Variants in PTGER3 observed in about 807,000 individuals in gnomAD.
PTGER3 encodes the protein prostaglandin E receptor 3.
A neutral mutation model predicts 34.7 loss-of-function variants in PTGER3; 22 were observed. The observed-to-expected ratio is 0.63, with a 90% CI of 0.45 to 0.91. The LOEUF (loss-of-function observed/expected upper bound fraction) is 0.91, where lower values mean the gene tolerates loss of function less well. PTGER3 is among the 40% of genes least tolerant of loss of function. PTGER3 has a pLI of 0.00. For synonymous variants in PTGER3, 241 were observed against 230.1 expected, an observed-to-expected ratio of 1.05 and a Z score of -0.43; for missense variants, 468 against 519.4, an observed-to-expected ratio of 0.90 and a Z score of 0.96.
At chr1:70,909,071 G>A (rs1165370774) in intron 4 of PTGER3, among the ~76,000 whole-genome samples, 3 of 152,124 alleles carry the variant, frequency 2.0e-5, no homozygotes, top group African/African-American at 4.8e-5. Context: ...GTTTATTACA[G>A]CTGGAAACAA....
chr1:70,902,598 A>G (rs10889896), intron 4 of PTGER3, among the ~76,000 whole-genome samples: 45,345 of 152,080 alleles, frequency 0.3, 7,036 homozygotes, highest in South Asian at 0.46. Context: ...AGTCTTTCTT[A>G]ATGATTAGAA....
chr1:71,010,034 A>T, intron 2 of PTGER3: 1 of 985,094 alleles, frequency 1.0e-6, no homozygotes, highest in Non-Finnish European at 1.2e-6. Context: ...CCTCCCTTTC[A>T]AGCTTGTTAA....
In PTGER3 at chr1:71,047,740, G is replaced by T; in HGVS notation, c.-163C>A. On this transcript the variant is annotated 5_prime_UTR_variant, in exon 1 of 4. Coordinates refer to ENST00000306666, the MANE Select transcript of PTGER3 (RefSeq NM_198719.2). Reference sequence around the variant, plus strand: ...CGCCCTACTCCGCTGCTGGGACCGCGGCCGCGGCGGCGCCAGGGCTCACTG... The same window carrying T: ...CGCCCTACTCCGCTGCTGGGACCGCTGCCGCGGCGGCGCCAGGGCTCACTG... 1 of 674,090 alleles carries T rather than the reference G, an allele frequency of 1.5e-6. No homozygotes were observed. The highest frequency in any genetic ancestry group is 2.1e-6 in the Non-Finnish European group (1 of 481,158). The allele number at this position is 674,090 out of a possible 1,614,324, so 41.8% of individuals were successfully genotyped here.
intron 4 of PTGER3, among the ~76,000 whole-genome samples, chr1:70,936,287 TGCAGAG>T (rs1649221182): frequency 6.6e-6 from 1 of 152,172 alleles, no homozygotes; most frequent in African/African-American, 2.4e-5. Context: ...CAGCCATAGC[TGCAGAG>T]GTAGAAAGTG....
rs1646397461 is a variant in PTGER3 at position 70,881,839 on chromosome 1, C to T, written c.*24-28980G>A. Among the ~76,000 whole-genome samples, 3 of 152,324 alleles carry T rather than the reference C, an allele frequency of 2.0e-5. No individual in the cohort carries two copies. In the South Asian group the frequency reaches 6.2e-4, roughly 32 times the overall value. On this transcript the variant is annotated intron_variant, in intron 4 of 4. Coordinates refer to the PTGER3 transcript ENST00000370931. Reference sequence around the variant, plus strand: ...CCTAATATGTTGTTTGAGTGCTTCTCAGGGAAACATAAGGTTGCACCTGTC... The same window carrying T: ...CCTAATATGTTGTTTGAGTGCTTCTTAGGGAAACATAAGGTTGCACCTGTC...
intron 4 of PTGER3, among the ~76,000 whole-genome samples, chr1:70,934,631 G>C (rs1322881126): frequency 6.6e-6 from 1 of 152,054 alleles, no homozygotes; most frequent in African/African-American, 2.4e-5. Flanking sequence ...ATCAACTGTG[G>C]GGAAAATTAG....
chr1:71,008,931 C>A (rs1254304336), intron 2 of PTGER3: 4 of 981,412 alleles, frequency 4.1e-6, no homozygotes, highest in Non-Finnish European at 4.8e-6. Context: ...GCAGGAGAAG[C>A]TTTTGGGGTT....
intron 1 of PTGER3, among the ~76,000 whole-genome samples, chr1:71,043,941 C>T (rs1215660343): frequency 6.6e-6 from 1 of 151,312 alleles, no homozygotes; most frequent in African/African-American, 2.4e-5. Flanking sequence ...ATCAGCCTCC[C>T]GAGTAACTGA....
At chr1:70,887,731 T>C (rs569134812) in intron 4 of PTGER3, among the ~76,000 whole-genome samples, 9 of 152,312 alleles carry the variant, frequency 5.9e-5, no homozygotes, top group African/African-American at 2.2e-4. Flanking sequence ...TAAAAATCTG[T>C]TTTGCTTGTG....
intron 4 of PTGER3, among the ~76,000 whole-genome samples, chr1:70,896,507 T>A (rs879915551): frequency 6.6e-6 from 1 of 152,224 alleles, no homozygotes; most frequent in Non-Finnish European, 1.5e-5. Flanking sequence ...TGCTGACTCC[T>A]TGATCTCAAA....
At position 71,047,557 on chromosome 1, in the gene PTGER3, G is replaced by A; in HGVS notation, c.21C>T (p.Tyr7=). 1 of 1,556,458 alleles carries A rather than the reference G, an allele frequency of 6.4e-7. No homozygotes were observed. Among genetic ancestry groups the A allele is most frequent in the East Asian group, 2.3e-5 (1 of 42,888 alleles). ...GGGTGCAGAAGGGGGCATCCCCTCC[G>A]TAGCCCCGGGTCTCCTTCATGTTGG... MKETRG[Y]GGDAPFCTRL... The change falls in exon 1 of 4, where the codon TAC becomes TAT. Residue 7 remains tyrosine (Y), a synonymous_variant. Transcript: ENST00000306666.
chr1:70,964,424 C>G (rs1431963724), intron 2 of PTGER3, among the ~76,000 whole-genome samples: 1 of 152,186 alleles, frequency 6.6e-6, no homozygotes, highest in Non-Finnish European at 1.5e-5. Context: ...TGACTCACAG[C>G]TCCACATAGC....
intron 4 of PTGER3, among the ~76,000 whole-genome samples, chr1:70,857,853 C>T (rs1355716356): frequency 6.6e-6 from 1 of 152,164 alleles, no homozygotes; most frequent in African/African-American, 2.4e-5. Flanking sequence ...ATTCTTGGCC[C>T]TTGTTCGCAA....
intron 2 of PTGER3, among the ~76,000 whole-genome samples, chr1:70,980,814 C>T (rs1346899957): frequency 6.6e-6 from 1 of 152,124 alleles, no homozygotes; most frequent in Non-Finnish European, 1.5e-5. Context: ...TGGCCCACAA[C>T]TTCTGAAGGG....
chr1:71,044,138 A>T (rs1197859007), intron 1 of PTGER3, among the ~76,000 whole-genome samples: 1 of 149,828 alleles, frequency 6.7e-6, no homozygotes, highest in Admixed American at 6.6e-5. Context: ...TTCTTTAAAA[A>T]GTTCTCATTT....
At chr1:70,939,656 G>A (rs539044690) in intron 4 of PTGER3, among the ~76,000 whole-genome samples, 2 of 152,356 alleles carry the variant, frequency 1.3e-5, no homozygotes, top group South Asian at 4.1e-4. Context: ...AAGCTGCCAA[G>A]GCTTAGGGCT....
intron 4 of PTGER3, among the ~76,000 whole-genome samples, chr1:70,911,276 A>C (rs1159294536): frequency 1.3e-5 from 2 of 151,146 alleles, no homozygotes; most frequent in African/African-American, 4.9e-5. Flanking sequence ...TCACTGTCAG[A>C]CTTTTTTTTG....
chr1:70,925,158 C>T (rs1647934083), intron 4 of PTGER3, among the ~76,000 whole-genome samples: 1 of 152,126 alleles, frequency 6.6e-6, no homozygotes, highest in South Asian at 2.1e-4. Context: ...GTGACTGCCA[C>T]CATGCTTGGC....
intron 2 of PTGER3, chr1:71,007,201 GA>G (rs1657046799): frequency 5.1e-6 from 5 of 985,650 alleles, no homozygotes; most frequent in African/African-American, 3.5e-5. Flanking sequence ...AAGTGCCAAT[GA>G]TTTCAGCTCC....
Sources: allele counts gnomAD v4.1 joint callset (sites outside exome capture counted in the v4.1 genomes callset), GRCh38; gene constraint gnomAD v4.1.1; transcripts MANE v1.5; gene names NCBI Gene and HGNC (gene_info 2026-07-23, HGNC 2026-07-21).